The following ZNF821 variants were observed in gnomAD, a reference collection of about 807,000 sequenced individuals.
ZNF821 encodes the protein zinc finger protein 821.
In ZNF821, 16 loss-of-function variants were observed where a neutral mutation model predicts 44.3. The ratio of observed to expected loss-of-function variants is 0.36; its 90% confidence interval spans 0.24 to 0.55. The LOEUF is 0.55. Among genes scored for constraint, ZNF821 ranks in the 20% least tolerant of loss-of-function variants. The pLI is 0.86. For missense variants in ZNF821, 436 were observed against 547.6 expected (o/e 0.80, Z 2.03); for synonymous variants, 204 against 197.6 (o/e 1.03, Z -0.27).
At chr16:71,892,734 CTTT>C (rs1177952498) in intron 1 of ZNF821, among the ~76,000 whole-genome samples, 1 of 125,288 alleles carries the variant, frequency 8.0e-6, no homozygotes, top group Admixed American at 8.1e-5. Flanking sequence ...ACAAACCAGG[CTTT>C]TTTTTTTTTT....
At chr16:71,883,367 C>G in intron 1 of ZNF821, 94 bp from the exon 2 acceptor site, 3 of 364,330 alleles carry the variant, frequency 8.2e-6, no homozygotes, top group South Asian at 6.1e-5. Context: ...TCTAATCAGC[C>G]GAGATGGTCC....
chr16:71,869,399 C>T (rs1322455334), intron 3 of ZNF821, among the ~76,000 whole-genome samples: 1 of 152,074 alleles, frequency 6.6e-6, no homozygotes, highest in Non-Finnish European at 1.5e-5. Context: ...CATGTGATCC[C>T]CTTAGTCATT....
rs904860626 is a variant in ZNF821, at chr16:71,868,186, A to G, written c.41-149T>C. 15 of 859,836 alleles carry G rather than the reference A, an allele frequency of 1.7e-5. No homozygotes were observed. In the African/African-American group the frequency reaches 2.0e-4, roughly 12 times the overall value. The allele number at this position is 859,836 out of a possible 1,614,324, so 53.3% of individuals were successfully genotyped here. A position where few individuals can be genotyped will look rare whatever the true frequency, so the allele number is the denominator to read the frequency against. On this transcript the variant is annotated intron_variant, in intron 3 of 7. Transcript: ENST00000425432. ...ATCTCCAAGTCAGCTTGCTGCCTCC[A>G]ACAGCTTCTGGGTGCAGCTGCTCTT...
intron 7 of ZNF821, among the ~76,000 whole-genome samples, chr16:71,861,257 A>G (rs968660947): frequency 6.6e-6 from 1 of 152,236 alleles, no homozygotes; most frequent in African/African-American, 2.4e-5. Flanking sequence ...CTCAAGCCAG[A>G]ATAATGATTT....
chr16:71,891,898 A>C (rs2036887642), intron 1 of ZNF821, among the ~76,000 whole-genome samples: 1 of 148,740 alleles, frequency 6.7e-6, no homozygotes, highest in African/African-American at 2.5e-5. Context: ...CAGGAGGCTG[A>C]GGCAGCAGAA....
At chr16:71,892,955 T>A (rs929299710) in intron 1 of ZNF821, among the ~76,000 whole-genome samples, 1 of 146,786 alleles carries the variant, frequency 6.8e-6, no homozygotes, top group Non-Finnish European at 1.5e-5. Context: ...GGTTTCGAAC[T>A]CCTAACCTCA....
At chr16:71,866,570 AT>A (rs544494955) in intron 4 of ZNF821, among the ~76,000 whole-genome samples, 2,183 of 152,310 alleles carry the variant, frequency 0.014, 55 homozygotes, top group Non-Finnish European at 0.017. Context: ...TATCAAACAT[AT>A]TTTTGTAATT....
chr16:71,866,480 T>C (rs2034558954), intron 4 of ZNF821, among the ~76,000 whole-genome samples: 1 of 152,188 alleles, frequency 6.6e-6, no homozygotes, highest in South Asian at 2.1e-4. Flanking sequence ...TAATGAAGGA[T>C]TGGCACAGAT....
intron 4 of ZNF821, 87 bp from the exon 5 acceptor site, chr16:71,865,135 A>G: frequency 1.3e-6 from 2 of 1,522,960 alleles, no homozygotes; most frequent in Non-Finnish European, 1.8e-6. Flanking sequence ...CAGTTACAAT[A>G]GAAAACATTT....
chr16:71,879,599 A>ATCT (rs1486128975), intron 3 of ZNF821, among the ~76,000 whole-genome samples: 1 of 152,148 alleles, frequency 6.6e-6, no homozygotes, highest in Non-Finnish European at 1.5e-5. Context: ...TAGCACAAGG[A>ATCT]TCTGCAGAGA....
intron 1 of ZNF821, chr16:71,894,636 C>T: frequency 1.9e-6 from 1 of 524,328 alleles, no homozygotes; most frequent in Non-Finnish European, 3.4e-6. Context: ...AGCGATCTTC[C>T]TGCCTCAGCC....
intron 1 of ZNF821, chr16:71,894,561 T>A: frequency 3.2e-6 from 1 of 309,390 alleles, no homozygotes; most frequent in Non-Finnish European, 6.0e-6. Flanking sequence ...TCTTTTTTTC[T>A]GTAGCCTAGG....
intron 3 of ZNF821, among the ~76,000 whole-genome samples, chr16:71,868,409 C>A (rs574776922): frequency 6.6e-6 from 1 of 152,306 alleles, no homozygotes; most frequent in Admixed American, 6.5e-5. Flanking sequence ...GACAGGGCAA[C>A]AAATCTGGGC....
At chr16:71,873,956 ATT>A (rs138380961) in intron 3 of ZNF821, among the ~76,000 whole-genome samples, 14 of 123,206 alleles carry the variant, frequency 1.1e-4, no homozygotes, top group Admixed American at 9.0e-5. Context: ...CCCGGCTGGA[ATT>A]TTTTTTTTTT....
intron 3 of ZNF821, among the ~76,000 whole-genome samples, chr16:71,878,075 T>C (rs767617334): frequency 6.7e-6 from 1 of 149,400 alleles, no homozygotes; most frequent in African/African-American, 2.4e-5. Context: ...GTTGCTGCAC[T>C]TTACTCAAAC....
At chr16:71,868,483 A>G (rs925399757) in intron 3 of ZNF821, among the ~76,000 whole-genome samples, 4 of 152,220 alleles carry the variant, frequency 2.6e-5, no homozygotes, top group African/African-American at 9.6e-5. Flanking sequence ...CTCTGACTAT[A>G]AACAAGTGCT....
rs1276290580 is a variant in ZNF821, at chr16:71,882,006, T to G, written c.-78+1205A>C. ...AAAAAACTGCCATGGGCGGTGGCTC[T>G]CGCCTGTAATCCCAGCACTTTGGGA... On this transcript the variant is annotated intron_variant, in intron 2 of 7. Transcript: ENST00000425432. The G allele has an allele frequency of 2.7e-5, 4 of 148,550 alleles. No homozygotes were observed. The East Asian group carries it at 8.1e-4, about 30-fold the overall frequency. The allele number at this position is 148,550 out of a possible 1,614,324, so 9.2% of individuals were successfully genotyped here. A position where few individuals can be genotyped will look rare whatever the true frequency, so the allele number is the denominator to read the frequency against.
intron 4 of ZNF821, 109 bp from the exon 5 acceptor site, chr16:71,865,157 A>G (rs1432114702): frequency 5.8e-6 from 8 of 1,380,846 alleles, no homozygotes; most frequent in East Asian, 2.3e-5. Context: ...CAGATCTTCC[A>G]TAATATAGTT....
intron 5 of ZNF821, 136 bp downstream of exon 5, chr16:71,864,767 C>T: frequency 5.6e-6 from 6 of 1,073,778 alleles, no homozygotes; most frequent in Non-Finnish European, 8.0e-6. Context: ...GGTTCTGGTG[C>T]CATGAAGGAA....
Sources: gnomAD v4.1 joint callset for allele counts (sites outside exome capture counted in the v4.1 genomes callset) on GRCh38, gnomAD v4.1.1 for gene constraint, MANE v1.5 for transcripts, NCBI Gene and HGNC (gene_info 2026-07-23, HGNC 2026-07-21) for gene names.